Variants in XYLT2 observed in about 807,000 individuals in gnomAD.
The protein encoded by XYLT2 is UDP-D-xylose:proteoglycan core protein beta-D-xylosyltransferase.
A neutral mutation model predicts 82.6 loss-of-function variants in XYLT2; 37 were observed. The observed-to-expected ratio is 0.45, with a 90% CI of 0.34 to 0.59. The LOEUF (loss-of-function observed/expected upper bound fraction) is 0.59, where lower values mean the gene tolerates loss of function less well. Among genes scored for constraint, XYLT2 ranks in the 20% least tolerant of loss-of-function variants. The probability of loss-of-function intolerance (pLI) is 0.01; values close to 1 mark genes in which losing one functional copy is unlikely to be tolerated. For synonymous variants in XYLT2, 474 were observed against 499.0 expected, an observed-to-expected ratio of 0.95 and a Z score of 0.67; for missense variants, 934 against 1,181.3, an observed-to-expected ratio of 0.79 and a Z score of 3.07.
chr17:50,356,003 T>C lies in XYLT2; in HGVS notation c.1305+6T>C, dbSNP rs1912509514. The C allele has an allele frequency of 6.2e-7, 1 of 1,614,180 alleles. No individual in the cohort carries two copies. The highest frequency in any genetic ancestry group is 2.2e-5 in the East Asian group (1 of 44,888). ...ACACACTGCTCCCAGCCGAGGTGGGTAGCCCAGCAGGCATGAAGGCCAGGG... is the reference window on the plus strand; with the variant it reads ...ACACACTGCTCCCAGCCGAGGTGGGCAGCCCAGCAGGCATGAAGGCCAGGG... On this transcript the variant is annotated splice_donor_region_variant and intron_variant, in intron 6 of 10. Transcript: ENST00000017003.
intron 2 of XYLT2, 35 bp downstream of exon 2, chr17:50,354,157 G>T (rs374551841): frequency 6.4e-5 from 103 of 1,597,904 alleles, no homozygotes; most frequent in Non-Finnish European, 8.6e-5. Context: ...CTTCCCAGGC[G>T]GGGGCAGGGG....
Position 50,346,508 on chromosome 17 carries a change from TG to T in XYLT2, c.135+236del. 1.2e-6 allele frequency: 1 copy of T among 855,310 alleles called. No homozygotes were observed. The highest frequency in any genetic ancestry group is 5.4e-5 in the South Asian group (1 of 18,600). 53.0% of individuals were successfully genotyped at this position (855,310 alleles called of 1,614,324 possible). A position where few individuals can be genotyped will look rare whatever the true frequency, so the allele number is the denominator to read the frequency against. ...CCTGGAGACCCGGGCCCTGGTGGAT[TG>T]GGAGTCGGGCGGGGGGAGCAGGTCA... On this transcript the variant is annotated intron_variant, in intron 1 of 10. Transcript: ENST00000017003. The surrounding 1 kb of genome is among the most constrained non-coding windows in gnomAD (Gnocchi z 5.1).
intron 3 of XYLT2, 40 bp from the exon 4 acceptor site, chr17:50,354,814 G>A (rs990467752): frequency 6.2e-6 from 10 of 1,608,002 alleles, no homozygotes; most frequent in African/African-American, 4.0e-5. Context: ...TGGGGATGGC[G>A]ATAACACTGG....
Position 50,360,038 on chromosome 17 carries a change from G to A in XYLT2, c.2345G>A (p.Ser782Asn). The stretch of plus-strand genomic sequence containing the variant: ...ATGGAGCAGAGTTTCCAGGGCCTGA[G>A]TAGCATCCTGAACCTGCCTCAGCCG... ...EYMEQSFQGL[S>N]SILNLPQPEL... is the part of the protein sequence containing the mutation. The change falls in exon 11 of 11, where the codon AGT (serine) becomes AAT (asparagine). Residue 782 changes from serine (S) to asparagine (N), a missense_variant. By Grantham distance (46) the Ser-to-Asn change is conservative. Transcript: ENST00000017003. 6.2e-7 allele frequency: 1 copy of A among 1,613,970 alleles called. No homozygotes were observed. Among genetic ancestry groups the A allele is most frequent in the Non-Finnish European group, 8.5e-7 (1 of 1,179,972 alleles).
chr17:50,357,537 G>T (rs147683056), intron 9 of XYLT2: 11 of 373,866 alleles, frequency 2.9e-5, no homozygotes, highest in African/African-American at 1.9e-4. Flanking sequence ...GCCTAGAGGG[G>T]CAGGGACATT....
At chr17:50,356,027 G>A (rs1912510595) in intron 6 of XYLT2, 30 bp downstream of exon 6, 1 of 1,614,182 alleles carries the variant, frequency 6.2e-7, no homozygotes, top group South Asian at 1.1e-5. Context: ...TGAAGGCCAG[G>A]GAGGGCGTGG....
At chr17:50,347,434 CAT>C (rs1284695084) in intron 1 of XYLT2, among the ~76,000 whole-genome samples, 2 of 151,994 alleles carry the variant, frequency 1.3e-5, no homozygotes, top group African/African-American at 2.4e-5. Flanking sequence ...AACAGAGTCA[CAT>C]GAGACCATAA....
At chr17:50,355,712 C>A in intron 5 of XYLT2, 69 bp from the exon 6 acceptor site, 1 of 1,591,656 alleles carries the variant, frequency 6.3e-7, no homozygotes, top group South Asian at 1.1e-5. Context: ...GTGTTGGTTG[C>A]CAGGCGGGTG....
chr17:50,350,667 A>T (rs1912229549), intron 1 of XYLT2, among the ~76,000 whole-genome samples: 1 of 152,148 alleles, frequency 6.6e-6, no homozygotes, highest in Non-Finnish European at 1.5e-5. Context: ...GCCCTTGGGG[A>T]ACTTACAATC....
In XYLT2 at chr17:50,346,285, C is replaced by A. The variant is rs374252074; in HGVS notation, c.135+10C>A. ...GGACGAGGCGGGCGAGGTGCTCCGA[C>A]GGCCGGGCGGGCGGGCAGGCCGGGC... On this transcript the variant is annotated intron_variant, in intron 1 of 10. Transcript: ENST00000017003. The surrounding 1 kb of genome is among the most constrained non-coding windows in gnomAD (Gnocchi z 5.1). 392 of 1,094,630 alleles carry A rather than the reference C, an allele frequency of 3.6e-4. 1 individual carries two copies. The African/African-American group carries it at 6.1e-3, about 17-fold the overall frequency. 67.8% of individuals were successfully genotyped at this position (1,094,630 alleles called of 1,614,324 possible).
intron 8 of XYLT2, 56 bp downstream of exon 8, chr17:50,356,829 G>A (rs1912564076): frequency 1.3e-6 from 2 of 1,554,734 alleles, no homozygotes; most frequent in East Asian, 4.5e-5. Context: ...CCTAGGGGGA[G>A]GCCAACCAGA....
Position 50,346,669 on chromosome 17 carries a change from G to T in XYLT2, c.135+394G>T, listed in dbSNP as rs1372803120. 1.0e-6 allele frequency: 1 copy of T among 985,288 alleles called. No individual in the cohort carries two copies. Among genetic ancestry groups the T allele is most frequent in the Non-Finnish European group, 1.2e-6 (1 of 829,926 alleles). 61.0% of individuals were successfully genotyped at this position (985,288 alleles called of 1,614,324 possible). A position where few individuals can be genotyped will look rare whatever the true frequency, so the allele number is the denominator to read the frequency against. On this transcript the variant is annotated intron_variant, in intron 1 of 10. Coordinates refer to ENST00000017003, the MANE Select transcript of XYLT2 (RefSeq NM_022167.4). The surrounding 1 kb of genome is among the most constrained non-coding windows in gnomAD (Gnocchi z 5.1). Reference sequence around the variant, plus strand: ...ACTTTCTGAAGTTGGGAGGGGGCGGGGATATGCGCGCCGTGGGCGGAGGAG... The same window carrying T: ...ACTTTCTGAAGTTGGGAGGGGGCGGTGATATGCGCGCCGTGGGCGGAGGAG...
intron 1 of XYLT2, among the ~76,000 whole-genome samples, chr17:50,352,808 C>A (rs1380730793): frequency 6.6e-6 from 1 of 152,226 alleles, no homozygotes; most frequent in Non-Finnish European, 1.5e-5. Flanking sequence ...GGCCCTGCTT[C>A]AGCTTTCAAG....
chr17:50,360,123 C>G lies in XYLT2; in HGVS notation c.2430C>G (p.Ala810=). 6.2e-7 allele frequency: 1 copy of G among 1,613,998 alleles called. No individual in the cohort carries two copies. The change falls in exon 11 of 11, where the codon GCC becomes GCG. Residue 810 remains alanine (A), a synonymous_variant. Coordinates refer to ENST00000017003, the MANE Select transcript of XYLT2 (RefSeq NM_022167.4). ...AGCTCACAGGCCCTGCGCTCGAGGC[C>G]TGGACAGACAGGGAACTGAGCAGCT... ...HTQLTGPALE[A]WTDRELSSFW...
rs758253451 is a variant in XYLT2, at chr17:50,354,984, G to A, written c.935G>A (p.Arg312Gln). The A allele has an allele frequency of 7.7e-6, 12 of 1,564,730 alleles. No individual in the cohort carries two copies. The highest frequency in any genetic ancestry group is 4.9e-5 in the South Asian group (4 of 81,962). Residue 312 changes from arginine (R) to glutamine (Q), a missense_variant, in exon 4 of 11, where the codon CGG (arginine) becomes CAG (glutamine). This residue lies in a region of XYLT2 where 189 missense variants were observed against 320.8 expected (regional missense o/e 0.59). Coordinates refer to ENST00000017003, the MANE Select transcript of XYLT2 (RefSeq NM_022167.4). ...SLLRMYLRSM[R>Q]DLLEVPGWAW... is the part of the protein sequence containing the mutation. ...CTGAGGATGTACCTGCGGAGCATGC[G>A]GGACCTGCTAGAGGTGCCTGGCTGG...
chr17:50,353,657 C>G lies in XYLT2; in HGVS notation c.163C>G (p.Leu55Val), dbSNP rs778658597. 3 of 1,567,028 alleles carry G rather than the reference C, an allele frequency of 1.9e-6. No individual in the cohort carries two copies. The South Asian group carries it at 3.5e-5, about 18-fold the overall frequency. Residue 55 changes from leucine to valine, a missense_variant, in exon 2 of 11, where the codon CTG becomes GTG. By Grantham distance (32) the Leu-to-Val change is conservative. Coordinates refer to ENST00000017003, the MANE Select transcript of XYLT2 (RefSeq NM_022167.4). ...AGGAAGGCAGAGGAAGCCACGGCCA[C>G]TGGACCCTGGCGAGGGTTCCAAGGA... ...EKGRQRKPRPLDPGEGSKDTD... is the reference protein window; with the variant it reads ...EKGRQRKPRPVDPGEGSKDTD...
chr17:50,347,458 G>C (rs1055079345), intron 1 of XYLT2, among the ~76,000 whole-genome samples: 1 of 152,204 alleles, frequency 6.6e-6, no homozygotes, highest in African/African-American at 2.4e-5. Flanking sequence ...TCCAAAAGGA[G>C]GTGGGGGCGG....
chr17:50,356,475 C>G (rs1477826298), intron 7 of XYLT2, 36 bp from the exon 8 acceptor site: 1 of 1,606,508 alleles, frequency 6.2e-7, no homozygotes, highest in Non-Finnish European at 8.5e-7. Context: ...CTGGGGCTTC[C>G]AGAGCCCTTC....
Position 50,354,907 on chromosome 17 carries a change from C to T in XYLT2, c.858C>T (p.Asn286=), listed in dbSNP as rs534585281. 32 of 1,610,034 alleles carry T rather than the reference C, an allele frequency of 2.0e-5. No individual in the cohort carries two copies. The highest frequency in any genetic ancestry group is 8.9e-5 in the East Asian group (4 of 44,878). The change falls in exon 4 of 11, where the codon AAC becomes AAT. Residue 286 remains asparagine (N), a synonymous_variant. Transcript: ENST00000017003. The part of the protein sequence containing the change: ...EVVELAQGYD[N]VRVTPWRMVT... ...TGGAGCTGGCCCAGGGCTATGATAA[C>T]GTGCGGGTGACGCCCTGGCGCATGG... is the stretch of plus-strand genomic sequence containing the variant.
Sources: gnomAD v4.1 joint callset for allele counts (sites outside exome capture counted in the v4.1 genomes callset) on GRCh38, gnomAD v4.1.1 for gene constraint, gnomAD v4.1.1 regional missense constraint, Gnocchi (gnomAD v3.1) non-coding constraint, MANE v1.5 for transcripts, NCBI Gene and HGNC (gene_info 2026-07-23, HGNC 2026-07-21) for gene names.